Variants in INPP5D observed in about 807,000 individuals in gnomAD.
INPP5D encodes the protein phosphatidylinositol 3,4,5-trisphosphate 5-phosphatase 1.
Under a neutral mutation model 122.9 loss-of-function variants are expected in INPP5D, and 33 were observed. The ratio of observed to expected loss-of-function variants is 0.27; its 90% CI spans 0.20 to 0.36. The LOEUF (loss-of-function observed/expected upper bound fraction) is 0.36. Ranked by LOEUF, INPP5D falls within the 10% of genes least tolerant of loss-of-function variation. The pLI, the probability that INPP5D is intolerant of heterozygous loss-of-function variation, is 1.00. For missense variants in INPP5D, 1,053 were observed against 1,412.7 expected, an observed-to-expected ratio of 0.75 and a Z score of 4.08; for synonymous variants, 584 against 576.2, an observed-to-expected ratio of 1.01 and a Z score of -0.19.
chr2:233,135,027 C>T (rs1218283293), intron 5 of INPP5D, among the ~76,000 whole-genome samples: 1 of 151,816 alleles, frequency 6.6e-6, no homozygotes, highest in African/African-American at 2.4e-5. Context: ...AGAGGTGCTA[C>T]CTGTAGCTGG....
At chr2:233,124,234 G>C (rs1238414316) in intron 3 of INPP5D, among the ~76,000 whole-genome samples, 2 of 152,092 alleles carry the variant, frequency 1.3e-5, no homozygotes, top group Non-Finnish European at 2.9e-5. Flanking sequence ...GGTCCCCCAG[G>C]CTCTCCCCGA....
rs1158049346 is a variant in INPP5D, at chr2:233,101,537, A to C, written c.199-20570A>C. Reference sequence around the variant, plus strand: ...TTTTATAAATTAATAATGATATATCATATATTATATTATAATTAATAATGA... The same window carrying C: ...TTTTATAAATTAATAATGATATATCCTATATTATATTATAATTAATAATGA... On this transcript the variant is annotated intron_variant, in intron 2 of 26. Transcript: ENST00000445964. Among the ~76,000 whole-genome samples, 7 of 147,488 alleles carry C rather than the reference A, an allele frequency of 4.7e-5. No homozygotes were observed. In the South Asian group the frequency reaches 1.5e-3, roughly 31 times the overall value.
intron 5 of INPP5D, among the ~76,000 whole-genome samples, chr2:233,132,413 G>T (rs1362277583): frequency 3.3e-5 from 5 of 152,136 alleles, no homozygotes; most frequent in African/African-American, 4.8e-5. Flanking sequence ...TCCCCAACTT[G>T]TCTTCTTCTC....
At chr2:233,169,271 A>C in intron 13 of INPP5D, 34 bp from the exon 14 acceptor site, 2 of 1,566,724 alleles carry the variant, frequency 1.3e-6, no homozygotes, top group Non-Finnish European at 1.7e-6. Context: ...TGTCTGTTTG[A>C]TATTTTGATT....
chr2:233,075,212 A>ATGCT (rs1363852431), intron 1 of INPP5D, among the ~76,000 whole-genome samples: 6 of 152,210 alleles, frequency 3.9e-5, no homozygotes, highest in Admixed American at 3.9e-4. Context: ...ATTTGTTAGC[A>ATGCT]GAAGGAAGTA....
Position 233,204,110 on chromosome 2 carries a change from C to G in INPP5D, c.2976-16C>G, listed in dbSNP as rs375522156. 31 of 1,508,342 alleles carry G rather than the reference C, an allele frequency of 2.1e-5. No individual in the cohort carries two copies. The highest frequency in any genetic ancestry group is 2.4e-5 in the Non-Finnish European group (27 of 1,126,458). 93.4% of individuals were successfully genotyped at this position (1,508,342 alleles called of 1,614,324 possible). ...CCCCTGGACATGTGTCTTCCCTGCT[C>G]TGTCCCTGGCTCTAGGCCCAGTGAC... is the stretch of plus-strand genomic sequence containing the variant. On this transcript the variant is annotated splice_polypyrimidine_tract_variant and intron_variant, in intron 25 of 26. Coordinates refer to ENST00000445964, the MANE Select transcript of INPP5D (RefSeq NM_001017915.3).
intron 25 of INPP5D, among the ~76,000 whole-genome samples, chr2:233,199,033 T>C (rs1000099325): frequency 2.6e-5 from 4 of 151,678 alleles, no homozygotes; most frequent in African/African-American, 9.7e-5. Flanking sequence ...GTGGATCACT[T>C]GAGGTTAAGA....
Position 233,079,391 on chromosome 2 carries a change from C to A in INPP5D, c.191C>A (p.Thr64Asn). The A allele has an allele frequency of 1.3e-6, 2 of 1,590,146 alleles. No homozygotes were observed. The highest frequency in any genetic ancestry group is 1.7e-6 in the Non-Finnish European group (2 of 1,158,142). Residue 64 changes from threonine to asparagine, a missense_variant, in exon 2 of 27, where the codon ACT becomes AAT. Transcript: ENST00000445964. Reference sequence around the variant, plus strand: ...CTGCCCAATGAAGATGATAAATTCACTGTTCAGGTGAGTCCTTTATAAACC... The same window carrying A: ...CTGCCCAATGAAGATGATAAATTCAATGTTCAGGTGAGTCCTTTATAAACC... ...RILPNEDDKF[T>N]VQASEGVSMR...
At chr2:233,148,426 G>A (rs140384610) in intron 9 of INPP5D, among the ~76,000 whole-genome samples, 9,466 of 152,248 alleles carry the variant, frequency 0.062, 578 homozygotes, top group South Asian at 0.18. Context: ...GCACATTGGC[G>A]GAGACCCCGA....
rs1447154663 is a variant in INPP5D, at chr2:233,105,086, G to C, written c.199-17021G>C. 6.6e-6 allele frequency among the ~76,000 whole-genome samples: 1 copy of C among 152,174 alleles called. No homozygotes were observed. Among genetic ancestry groups the C allele is most frequent in the Non-Finnish European group, 1.5e-5 (1 of 68,028 alleles). ...GGGATAGGGAATGTGGACCTCCCGG[G>C]TTTCTCCTGGATTTCCCCATAGGTG... On this transcript the variant is annotated intron_variant, in intron 2 of 26. Coordinates refer to ENST00000445964, the MANE Select transcript of INPP5D (RefSeq NM_001017915.3). This position sits in a 1 kb window ranked among gnomAD's most constrained non-coding sequence, Gnocchi z 4.0.
intron 2 of INPP5D, among the ~76,000 whole-genome samples, chr2:233,084,050 CTGTTT>C (rs1016935069): frequency 6.6e-6 from 1 of 152,174 alleles, no homozygotes. Flanking sequence ...AGGTGTTTTT[CTGTTT>C]TGTTTTGTTT....
In INPP5D at chr2:233,144,103, A is replaced by G. The variant is rs1489846634; in HGVS notation, c.754-2059A>G. Among the ~76,000 whole-genome samples the G allele has an allele frequency of 2.7e-4, 35 of 128,858 alleles. No individual in the cohort carries two copies. The East Asian group carries it at 6.7e-3, about 25-fold the overall frequency. The allele number at this position is 128,858 out of a possible 152,430, so 84.5% of individuals were successfully genotyped here. A position where few individuals can be genotyped will look rare whatever the true frequency, so the allele number is the denominator to read the frequency against. On this transcript the variant is annotated intron_variant, in intron 6 of 26. Transcript: ENST00000445964. ...AAATAATAGGTGTGGAGATAGTGGT[A>G]GTGATGGTGATGGTGGAGGTGGTCA...
chr2:233,147,797 G>A (rs919133210), intron 9 of INPP5D, among the ~76,000 whole-genome samples: 32 of 152,040 alleles, frequency 2.1e-4, no homozygotes, highest in Admixed American at 2.1e-3. Context: ...TCTCAGTGCC[G>A]GGCACAAAGC....
Position 233,170,320 on chromosome 2 carries a change from C to T in INPP5D, c.1791+156C>T. On this transcript the variant is annotated intron_variant, in intron 15 of 26. Coordinates refer to ENST00000445964, the MANE Select transcript of INPP5D (RefSeq NM_001017915.3). This position sits in a 1 kb window ranked among gnomAD's most constrained non-coding sequence, Gnocchi z 4.5. Reference sequence around the variant, plus strand: ...CAACGCTGTTTCCATTACTGAGCCTCAGCCGCTCCTCACGGTTCCCCTGTG... The same window carrying T: ...CAACGCTGTTTCCATTACTGAGCCTTAGCCGCTCCTCACGGTTCCCCTGTG... The T allele has an allele frequency of 6.7e-7, 1 of 1,482,726 alleles. No homozygotes were observed. The highest frequency in any genetic ancestry group is 9.0e-7 in the Non-Finnish European group (1 of 1,108,026). The allele number at this position is 1,482,726 out of a possible 1,614,324, so 91.8% of individuals were successfully genotyped here. A position where few individuals can be genotyped will look rare whatever the true frequency, so the allele number is the denominator to read the frequency against.
At chr2:233,094,103 C>CAA (rs201313838) in intron 2 of INPP5D, among the ~76,000 whole-genome samples, 10 of 151,652 alleles carry the variant, frequency 6.6e-5, no homozygotes, top group African/African-American at 2.2e-4. Flanking sequence ...CCTCCCCCCC[C>CAA]AAAAAAGAGA....
intron 6 of INPP5D, among the ~76,000 whole-genome samples, chr2:233,144,186 T>A (rs951057713): frequency 6.7e-5 from 10 of 149,260 alleles, no homozygotes; most frequent in Non-Finnish European, 1.2e-4. Flanking sequence ...GAGGTGGTCA[T>A]GATCATGGTA....
chr2:233,125,977 G>A (rs1208357686), intron 4 of INPP5D, 58 bp downstream of exon 4: 2 of 1,537,482 alleles, frequency 1.3e-6, no homozygotes, highest in African/African-American at 1.4e-5. Context: ...AGCCAGGGCA[G>A]GGCTGGATGG....
rs1253442432 is a variant in INPP5D, at chr2:233,207,216, C to T, written c.*508C>T. The T allele has an allele frequency of 1.3e-5, 2 of 153,602 alleles. No individual in the cohort carries two copies. Among genetic ancestry groups the T allele is most frequent in the African/African-American group, 4.8e-5 (2 of 41,388 alleles). 9.5% of individuals were successfully genotyped at this position (153,602 alleles called of 1,614,324 possible). On this transcript the variant is annotated 3_prime_UTR_variant, in exon 27 of 27. Transcript: ENST00000445964. The surrounding 1 kb of genome is among the most constrained non-coding windows in gnomAD (Gnocchi z 4.6). Reference sequence around the variant, plus strand: ...CCACCAGTTTAAAACGGTGTGTGTTCGGAGGGGTGAAAGCATTAAGAAGCC... The same window carrying T: ...CCACCAGTTTAAAACGGTGTGTGTTTGGAGGGGTGAAAGCATTAAGAAGCC...
chr2:233,155,478 T>C (rs142888286), intron 9 of INPP5D, among the ~76,000 whole-genome samples: 92,727 of 151,284 alleles, frequency 0.61, 29,789 homozygotes, highest in East Asian at 0.98. Flanking sequence ...CAAAATTAGA[T>C]GGGCATGGTG....
Sources: gnomAD v4.1 joint callset for allele counts (sites outside exome capture counted in the v4.1 genomes callset) on GRCh38, gnomAD v4.1.1 for gene constraint, Gnocchi (gnomAD v3.1) non-coding constraint, MANE v1.5 for transcripts, NCBI Gene and HGNC (gene_info 2026-07-23, HGNC 2026-07-21) for gene names.